Variants in CD36 observed in about 807,000 individuals in gnomAD.
CD36 encodes CD36 molecule (CD36 blood group).
CD36 carries 119 observed loss-of-function variants against 55.2 expected under a neutral mutation model. That is an observed-to-expected ratio of 2.15 (90% CI 1.86 to 2.51). CD36 has a LOEUF of 2.51. Among genes scored for constraint, CD36 ranks in the 30% most tolerant of loss-of-function variants. CD36 has a pLI of 0.00. For missense variants in CD36, 819 were observed against 555.5 expected (o/e 1.47, Z -4.77); for synonymous variants, 186 against 193.6 (o/e 0.96, Z 0.33).
In CD36 at chr7:80,677,753, G is replaced by C. The variant is rs1198868514; in HGVS notation, c.*1370G>C. ...TTTAATCATTGAGGCATGTAGGGCT[G>C]AGTTATATAATGTAGAAACTTCTAA... On this transcript the variant is annotated 3_prime_UTR_variant, in exon 15 of 15. Transcript: ENST00000447544. 2 of 152,136 alleles carry C rather than the reference G, an allele frequency of 1.3e-5. No individual in the cohort carries two copies. The highest frequency in any genetic ancestry group is 2.9e-5 in the Non-Finnish European group (2 of 68,028). The allele number at this position is 152,136 out of a possible 1,614,324, so 9.4% of individuals were successfully genotyped here. A position where few individuals can be genotyped will look rare whatever the true frequency, so the allele number is the denominator to read the frequency against.
intron 11 of CD36, 142 bp from the exon 12 acceptor site, chr7:80,672,628 A>G: frequency 1.5e-6 from 1 of 646,364 alleles, no homozygotes; most frequent in South Asian, 1.8e-5. Context: ...AACTATAACT[A>G]TATATGCAGT....
intron 1 of CD36, among the ~76,000 whole-genome samples, chr7:80,613,034 C>G (rs1043044001): frequency 2.6e-5 from 4 of 151,960 alleles, no homozygotes; most frequent in Non-Finnish European, 5.9e-5. Flanking sequence ...TAATAATCTA[C>G]TTTGTAACTT....
chr7:80,646,327 C>G, intron 2 of CD36, 146 bp downstream of exon 2: 2 of 243,348 alleles, frequency 8.2e-6, no homozygotes, highest in South Asian at 1.1e-4. Context: ...GAGGATGCAA[C>G]TAAGTTGCTG....
chr7:80,645,537 CAGG>C (rs1795104532), intron 1 of CD36, among the ~76,000 whole-genome samples: 1 of 151,840 alleles, frequency 6.6e-6, no homozygotes, highest in South Asian at 2.1e-4. Flanking sequence ...GAGGCTGAGT[CAGG>C]AGAATTGCTT....
intron 1 of CD36, among the ~76,000 whole-genome samples, chr7:80,603,779 A>G (rs199721763): frequency 1.5e-5 from 2 of 136,304 alleles, no homozygotes; most frequent in African/African-American, 2.9e-5. Context: ...CAAAAAAAAA[A>G]AAAAAAAGAG....
chr7:80,670,862 C>T (rs1485031074), intron 9 of CD36, 115 bp from the exon 10 acceptor site: 6 of 780,834 alleles, frequency 7.7e-6, no homozygotes, highest in Non-Finnish European at 1.3e-5. Context: ...AAGAATGAAA[C>T]AAGAATTTAA....
At chr7:80,611,083 A>G (rs553566906) in intron 1 of CD36, among the ~76,000 whole-genome samples, 4 of 150,972 alleles carry the variant, frequency 2.6e-5, no homozygotes, top group African/African-American at 4.9e-5. Context: ...GAGTCTCTCT[A>G]TGTTGCCCAG....
intron 1 of CD36, among the ~76,000 whole-genome samples, chr7:80,612,254 T>A (rs12532196): frequency 6.6e-6 from 1 of 152,072 alleles, no homozygotes; most frequent in Non-Finnish European, 1.5e-5. Context: ...TCCTGTAATA[T>A]AAAATATCAT....
chr7:80,628,151 T>C (rs1432508736), intron 1 of CD36, among the ~76,000 whole-genome samples: 1 of 152,036 alleles, frequency 6.6e-6, no homozygotes, highest in Non-Finnish European at 1.5e-5. Flanking sequence ...AACATATACA[T>C]GCATTTCTTT....
At chr7:80,652,828 C>A (rs1035414661) in intron 3 of CD36, among the ~76,000 whole-genome samples, 1 of 152,084 alleles carries the variant, frequency 6.6e-6, no homozygotes, top group East Asian at 1.9e-4. Context: ...TTGTAAAATA[C>A]TAATAGCTGA....
At chr7:80,604,876 A>T (rs1366915611) in intron 1 of CD36, among the ~76,000 whole-genome samples, 1 of 152,176 alleles carries the variant, frequency 6.6e-6, no homozygotes, top group Non-Finnish European at 1.5e-5. Context: ...GTCATGTTTT[A>T]CGACCATGAC....
Position 80,677,713 on chromosome 7 carries a change from TATAAA to T in CD36, c.*1331_*1335del, listed in dbSNP as rs1458687204. On this transcript the variant is annotated 3_prime_UTR_variant, in exon 15 of 15. Coordinates refer to ENST00000447544, the MANE Select transcript of CD36 (RefSeq NM_001001548.3). Reference sequence around the variant, plus strand: ...GATATTTGTGGACATGTCCATCTAATATAAAGGAAAGTTTTTTAATCATTGAGGCA... The same window carrying T: ...GATATTTGTGGACATGTCCATCTAATGGAAAGTTTTTTAATCATTGAGGCA... 1 of 152,188 alleles carries T rather than the reference TATAAA, an allele frequency of 6.6e-6. No homozygotes were observed. The allele number at this position is 152,188 out of a possible 1,614,324, so 9.4% of individuals were successfully genotyped here.
chr7:80,658,293 ATG>A (rs10669209), intron 4 of CD36, among the ~76,000 whole-genome samples: 3 of 152,122 alleles, frequency 2.0e-5, no homozygotes, highest in Admixed American at 6.5e-5. Flanking sequence ...ATATATATAT[ATG>A]TATTCATAGG....
chr7:80,672,800 C>T lies in CD36; in HGVS notation c.1156C>T (p.Arg386Trp), dbSNP rs148910227. 3.3e-4 allele frequency: 525 copies of T among 1,610,484 alleles called. 1 individual carries two copies. In the Middle Eastern group the frequency reaches 5.8e-3, roughly 18 times the overall value. Residue 386 changes from arginine (R) to tryptophan (W), a missense_variant, in exon 12 of 15, where the codon CGG (arginine) becomes TGG (tryptophan). Transcript: ENST00000447544. ...TGGATTCACTTTACAATTTGCAAAA[C>T]GGCTGCAGGTCAACCTATTGGTCAA... Reference protein sequence around the residue: ...ITGFTLQFAKRLQVNLLVKPS... With the variant: ...ITGFTLQFAKWLQVNLLVKPS...
intron 3 of CD36, among the ~76,000 whole-genome samples, chr7:80,647,719 C>A (rs1795278090): frequency 6.6e-6 from 1 of 152,006 alleles, no homozygotes; most frequent in Admixed American, 6.6e-5. Flanking sequence ...ATTTAAGGTG[C>A]CAAGAACAAG....
At chr7:80,665,897 C>CTACTT (rs917392991) in intron 7 of CD36, 1 of 153,408 alleles carries the variant, frequency 6.5e-6, no homozygotes, top group African/African-American at 2.4e-5. Flanking sequence ...AAACTCTTTC[C>CTACTT]TACTTTAACG....
chr7:80,674,137 C>T lies in CD36; in HGVS notation c.1409C>T (p.Thr470Ile), dbSNP rs200771788. Residue 470 changes from threonine (T) to isoleucine (I), a missense_variant, in exon 14 of 15, where the codon ACA (threonine) becomes ATA (isoleucine). Thr to Ile is a moderately conservative substitution (Grantham distance 89, BLOSUM62 -1). Coordinates refer to ENST00000447544, the MANE Select transcript of CD36 (RefSeq NM_001001548.3). ...TCATATTGTGCATGCAGATCGAAAA[C>T]AATAAAATAAGTAAGTATGTACCAA... is the stretch of plus-strand genomic sequence containing the variant. ...MISYCACRSK[T>I]IK is the part of the protein sequence containing the mutation. 51 of 1,609,544 alleles carry T rather than the reference C, an allele frequency of 3.2e-5. No individual in the cohort carries two copies. In the East Asian group the frequency reaches 1.1e-3, roughly 33 times the overall value.
intron 1 of CD36, among the ~76,000 whole-genome samples, chr7:80,620,864 A>G (rs1465020493): frequency 2.6e-5 from 4 of 152,270 alleles, no homozygotes; most frequent in Admixed American, 2.0e-4. Context: ...GTGACAACAA[A>G]GAATTTATAA....
intron 7 of CD36, among the ~76,000 whole-genome samples, chr7:80,664,828 A>T (rs879274391): frequency 6.9e-6 from 1 of 143,980 alleles, no homozygotes; most frequent in African/African-American, 2.5e-5. Context: ...TATTCTTACA[A>T]TTAGATAACC....
Sources: allele counts gnomAD v4.1 joint callset (sites outside exome capture counted in the v4.1 genomes callset), GRCh38; gene constraint gnomAD v4.1.1; transcripts MANE v1.5; gene names NCBI Gene and HGNC (gene_info 2026-07-23, HGNC 2026-07-21).